The following KTN1 variants were observed in gnomAD, a reference collection of about 807,000 sequenced individuals.
KTN1 encodes kinectin 1.
A neutral mutation model predicts 222.5 loss-of-function variants in KTN1; 130 were observed. The ratio of observed to expected loss-of-function variants is 0.58; its 90% CI spans 0.51 to 0.68. KTN1 has a LOEUF of 0.68. Ranked by LOEUF, KTN1 falls within the 30% of genes least tolerant of loss-of-function variation. KTN1 has a pLI of 0.00. For synonymous variants in KTN1, 512 were observed against 496.3 expected (o/e 1.03, Z -0.42); for missense variants, 1,508 against 1,500.4 (o/e 1.01, Z -0.08).
In KTN1 at chr14:55,661,619, A is replaced by G. The variant is rs769466958; in HGVS notation, c.3090+7A>G. ...CCAGAGGAAGAAAAACAATGTAAGT[A>G]GATCTTTATCAGAATGAAGCTTTTC... On this transcript the variant is annotated splice_region_variant and intron_variant, in intron 32 of 43. Coordinates refer to ENST00000395314, the MANE Select transcript of KTN1 (RefSeq NM_001079521.2). 12 of 1,454,508 alleles carry G rather than the reference A, an allele frequency of 8.3e-6. No homozygotes were observed. The highest frequency in any genetic ancestry group is 1.2e-5 in the Non-Finnish European group (12 of 1,037,920). The allele number at this position is 1,454,508 out of a possible 1,614,324, so 90.1% of individuals were successfully genotyped here.
At chr14:55,680,616 C>G (rs757020214) in intron 43 of KTN1, 112 of 838,598 alleles carry the variant, frequency 1.3e-4, no homozygotes, top group Non-Finnish European at 2.0e-4. Context: ...TCAGGGAGAG[C>G]TTAGGTATCC....
At chr14:55,630,215 G>T in intron 7 of KTN1, 118 bp downstream of exon 7, 1 of 891,884 alleles carries the variant, frequency 1.1e-6, no homozygotes, top group Admixed American at 2.3e-5. Context: ...AGTGGCTAGT[G>T]AAGTTCACTC....
At chr14:55,663,746 A>G (rs1170519569) in intron 32 of KTN1, 2 of 497,622 alleles carry the variant, frequency 4.0e-6, no homozygotes, top group Non-Finnish European at 7.2e-6. Context: ...TTTGATATAT[A>G]TACTAAAACA....
intron 8 of KTN1, 109 bp from the exon 9 acceptor site, chr14:55,634,417 G>A: frequency 1.1e-6 from 1 of 908,976 alleles, no homozygotes; most frequent in Non-Finnish European, 1.6e-6. Flanking sequence ...CAGTTGGGCT[G>A]TAAATGGAAC....
At chr14:55,603,035 A>G (rs1486300202) in intron 1 of KTN1, among the ~76,000 whole-genome samples, 1 of 152,118 alleles carries the variant, frequency 6.6e-6, no homozygotes, top group Non-Finnish European at 1.5e-5. Flanking sequence ...TTATGTTTCT[A>G]CAGATGAACT....
At chr14:55,587,549 G>C (rs1421788378) in intron 1 of KTN1, among the ~76,000 whole-genome samples, 1 of 152,184 alleles carries the variant, frequency 6.6e-6, no homozygotes, top group East Asian at 1.9e-4. Context: ...TGAAGATGTT[G>C]CCTTAAATCT....
chr14:55,664,323 C>T (rs189510632), intron 33 of KTN1, among the ~76,000 whole-genome samples: 464 of 152,154 alleles, frequency 3.0e-3, no homozygotes, highest in Non-Finnish European at 3.9e-3. Flanking sequence ...AGACAATATG[C>T]GCCTTTTGGG....
intron 32 of KTN1, chr14:55,662,983 A>C (rs1566827882): frequency 2.2e-6 from 1 of 456,050 alleles, no homozygotes. Context: ...ACTGGAGGCC[A>C]GCAGATAGCA....
chr14:55,620,264 A>T (rs551124813), intron 5 of KTN1, among the ~76,000 whole-genome samples: 3 of 152,174 alleles, frequency 2.0e-5, no homozygotes, highest in African/African-American at 4.8e-5. Flanking sequence ...GGCTGCTTTC[A>T]TGGGCTGGCG....
intron 32 of KTN1, chr14:55,663,438 A>G (rs886389075): frequency 2.4e-5 from 4 of 165,860 alleles, no homozygotes; most frequent in Admixed American, 1.2e-4. Flanking sequence ...CCATGCCAAG[A>G]AAGACATAGG....
rs1322753579 is a variant in KTN1 at position 55,650,424 on chromosome 14, G to C, written c.2496+6G>C. The C allele has an allele frequency of 6.3e-7, 1 of 1,594,504 alleles. No individual in the cohort carries two copies. The highest frequency in any genetic ancestry group is 8.6e-7 in the Non-Finnish European group (1 of 1,167,576). On this transcript the variant is annotated splice_donor_region_variant and intron_variant, in intron 23 of 43. Transcript: ENST00000395314. ...ACAAGGAGAAAACTGTTCAGGTATT[G>C]GGAGACAGAGAACTGTGTTTTATGT...
At chr14:55,628,319 C>G (rs552725819) in intron 6 of KTN1, among the ~76,000 whole-genome samples, 1 of 152,168 alleles carries the variant, frequency 6.6e-6, no homozygotes. Flanking sequence ...TGACCTAGAT[C>G]TGTTCTCAAT....
chr14:55,612,264 C>G lies in KTN1; in HGVS notation c.216C>G (p.Leu72=). ...NKKKEIQNGN[L]HESDSESVPR... is the part of the protein sequence containing the mutation. ...AGAAAGAAATCCAGAATGGAAACCT[C>G]CATGAATCCGACTCTGAGAGTGTAC... is the stretch of plus-strand genomic sequence containing the variant. The change falls in exon 2 of 44, where the codon CTC becomes CTG. Residue 72 remains leucine (L), a synonymous_variant. Transcript: ENST00000395314. 6.3e-7 allele frequency: 1 copy of G among 1,598,244 alleles called. No individual in the cohort carries two copies. The highest frequency in any genetic ancestry group is 1.2e-5 in the South Asian group (1 of 86,560).
Position 55,667,288 on chromosome 14 carries a change from T to C in KTN1, c.3225T>C (p.Val1075=). 1 of 1,607,560 alleles carries C rather than the reference T, an allele frequency of 6.2e-7. No homozygotes were observed. Among genetic ancestry groups the C allele is most frequent in the South Asian group, 1.1e-5 (1 of 90,212 alleles). ...VEAVELEAKE[V]LKKLFPKVSV... ...CTGTTGAGTTGGAGGCTAAAGAAGTTCTCAAAAAATTATTTCCAAAGGTGT... is the reference window on the plus strand; with the variant it reads ...CTGTTGAGTTGGAGGCTAAAGAAGTCCTCAAAAAATTATTTCCAAAGGTGT... Residue 1075 remains valine, a synonymous_variant, in exon 34 of 44, where the codon GTT becomes GTC. Transcript: ENST00000395314.
chr14:55,652,864 A>T lies in KTN1; in HGVS notation c.2618A>T (p.Glu873Val). Reference protein sequence around the residue: ...QELQNLLKGKEEQMNTMKAVL... With the variant: ...QELQNLLKGKVEQMNTMKAVL... ...TTTATTATCAGATTAAAAGGAAAAGAGGAACAGATGAATACCATGAAGGCT... is the reference window on the plus strand; with the variant it reads ...TTTATTATCAGATTAAAAGGAAAAGTGGAACAGATGAATACCATGAAGGCT... Residue 873 changes from glutamate (E) to valine (V), a missense_variant, in exon 26 of 44, where the codon GAG becomes GTG. Coordinates refer to ENST00000395314, the MANE Select transcript of KTN1 (RefSeq NM_001079521.2). 12 of 1,599,474 alleles carry T rather than the reference A, an allele frequency of 7.5e-6. No homozygotes were observed. Among genetic ancestry groups the T allele is most frequent in the Non-Finnish European group, 8.5e-6 (10 of 1,171,838 alleles).
rs773028106 is a variant in KTN1 at position 55,652,826 on chromosome 14, G to A, written c.2604-24G>A. On this transcript the variant is annotated intron_variant, in intron 25 of 43. Transcript: ENST00000395314. ...TATGGTCATGTAACATTTTCATTTAGAGTTCTGATTAATTTATTATCAGAT... is the reference window on the plus strand; with the variant it reads ...TATGGTCATGTAACATTTTCATTTAAAGTTCTGATTAATTTATTATCAGAT... 5 of 1,474,948 alleles carry A rather than the reference G, an allele frequency of 3.4e-6. No individual in the cohort carries two copies. In the South Asian group the frequency reaches 4.9e-5, roughly 14 times the overall value. The allele number at this position is 1,474,948 out of a possible 1,614,324, so 91.4% of individuals were successfully genotyped here.
chr14:55,631,366 A>ATATATATATATG (rs1166499462), intron 7 of KTN1, among the ~76,000 whole-genome samples: 2 of 145,956 alleles, frequency 1.4e-5, no homozygotes, highest in African/African-American at 2.5e-5. Flanking sequence ...ATATATATAT[A>ATATATATATATG]TATGTATTTT....
At chr14:55,639,655 G>A (rs1375458994) in intron 13 of KTN1, among the ~76,000 whole-genome samples, 4 of 151,620 alleles carry the variant, frequency 2.6e-5, no homozygotes, top group African/African-American at 9.7e-5. Context: ...ACTTGAGTTC[G>A]GAAGATCTGA....
intron 7 of KTN1, among the ~76,000 whole-genome samples, chr14:55,632,181 T>C (rs1342822053): frequency 6.6e-6 from 1 of 152,206 alleles, no homozygotes; most frequent in African/African-American, 2.4e-5. Context: ...AAGTGATCTT[T>C]TCTTCTTAAT....
Sources: allele counts gnomAD v4.1 joint callset (sites outside exome capture counted in the v4.1 genomes callset), GRCh38; gene constraint gnomAD v4.1.1; transcripts MANE v1.5; gene names NCBI Gene and HGNC (gene_info 2026-07-23, HGNC 2026-07-21).